The following NXPE1 variants were observed in gnomAD, a reference collection of about 807,000 sequenced individuals.
NXPE1 encodes the protein NXPE family member 1.
Under a neutral mutation model 33.3 loss-of-function variants are expected in NXPE1, and 31 were observed. The observed-to-expected ratio is 0.93, with a 90% CI of 0.70 to 1.26. The LOEUF is 1.26. NXPE1 is among the 50% of genes most tolerant of loss of function. NXPE1 has a pLI of 0.00. For synonymous variants in NXPE1, 229 were observed against 231.4 expected, an observed-to-expected ratio of 0.99 and a Z score of 0.09; for missense variants, 661 against 655.6, an observed-to-expected ratio of 1.01 and a Z score of -0.09.
chr11:114,551,454 T>A lies in NXPE1; in HGVS notation c.-69-13A>T. ...TCCTTCCAGGACCCTGAAATGGAAG[T>A]CAAAGTCACCTTATAGGTTCTCTTA... On this transcript the variant is annotated splice_polypyrimidine_tract_variant and intron_variant, in intron 3 of 8. Coordinates refer to ENST00000534921, the Ensembl canonical transcript of NXPE1. 2 of 1,233,066 alleles carry A rather than the reference T, an allele frequency of 1.6e-6. No homozygotes were observed. The highest frequency in any genetic ancestry group is 2.8e-5 in the South Asian group (1 of 35,824). The allele number at this position is 1,233,066 out of a possible 1,614,324, so 76.4% of individuals were successfully genotyped here. A position where few individuals can be genotyped will look rare whatever the true frequency, so the allele number is the denominator to read the frequency against.
At chr11:114,557,634 C>T (rs1385444239) in intron 1 of NXPE1, among the ~76,000 whole-genome samples, 29 of 128,450 alleles carry the variant, frequency 2.3e-4, no homozygotes, top group Admixed American at 3.3e-4. Context: ...ATATATAATA[C>T]ATATATATAT....
chr11:114,556,752 C>A (rs1485471604), intron 1 of NXPE1, among the ~76,000 whole-genome samples: 1 of 151,964 alleles, frequency 6.6e-6, no homozygotes, highest in Non-Finnish European at 1.5e-5. Flanking sequence ...CTCATCTAAG[C>A]CACTCTGACA....
intron 1 of NXPE1, among the ~76,000 whole-genome samples, chr11:114,555,707 A>G (rs1370657450): frequency 1.3e-5 from 2 of 152,176 alleles, no homozygotes; most frequent in African/African-American, 4.8e-5. Context: ...GCCCCGGATA[A>G]TCACAGATTT....
At chr11:114,543,193 T>TA (rs1948161877) in intron 5 of NXPE1, among the ~76,000 whole-genome samples, 1 of 152,004 alleles carries the variant, frequency 6.6e-6, no homozygotes, top group African/African-American at 2.4e-5. Context: ...CTGTGTTTAC[T>TA]AAAAATACAA....
chr11:114,559,584 G>T (rs1948730740), intron 1 of NXPE1, among the ~76,000 whole-genome samples: 1 of 151,830 alleles, frequency 6.6e-6, no homozygotes, highest in Non-Finnish European at 1.5e-5. Context: ...GCCTATCCTT[G>T]TCAGTAAGAG....
At chr11:114,543,940 T>C (rs1390687020) in intron 5 of NXPE1, among the ~76,000 whole-genome samples, 1 of 152,118 alleles carries the variant, frequency 6.6e-6, no homozygotes, top group African/African-American at 2.4e-5. Flanking sequence ...ATACTAGCAA[T>C]GAACAATTGG....
chr11:114,543,733 G>C (rs901355306), intron 5 of NXPE1, among the ~76,000 whole-genome samples: 1 of 151,862 alleles, frequency 6.6e-6, no homozygotes, highest in African/African-American at 2.4e-5. Context: ...GTCCTAACTA[G>C]TACAATAAAA....
chr11:114,520,319 T>G (rs528048409), downstream of NXPE1, among the ~76,000 whole-genome samples: 5 of 152,328 alleles, frequency 3.3e-5, no homozygotes, highest in Admixed American at 1.3e-4. Context: ...GTGTAGTTTT[T>G]AAGTTCCATA....
At chr11:114,554,292 G>A (rs936105903) in intron 1 of NXPE1, 1 of 975,792 alleles carries the variant, frequency 1.0e-6, no homozygotes, top group Non-Finnish European at 1.2e-6. Flanking sequence ...TGATATGTAA[G>A]CAGAGGCCAT....
At chr11:114,559,400 G>A (rs1948726771) in intron 1 of NXPE1, among the ~76,000 whole-genome samples, 1 of 152,164 alleles carries the variant, frequency 6.6e-6, no homozygotes, top group African/African-American at 2.4e-5. Context: ...CATAAAACAA[G>A]GCAAAGAAAT....
chr11:114,547,303 C>T (rs536317511), intron 5 of NXPE1, among the ~76,000 whole-genome samples: 27 of 152,258 alleles, frequency 1.8e-4, no homozygotes, highest in Admixed American at 1.3e-3. Context: ...CTTCCCTAAA[C>T]CCATGAATTC....
At chr11:114,557,651 A>G (rs779662093) in intron 1 of NXPE1, among the ~76,000 whole-genome samples, 1,754 of 53,346 alleles carry the variant, frequency 0.033, 21 homozygotes, top group Middle Eastern at 0.063. Flanking sequence ...ATATATATAT[A>G]TATATATATA....
chr11:114,556,823 G>A (rs1422900765), intron 1 of NXPE1, among the ~76,000 whole-genome samples: 1 of 150,832 alleles, frequency 6.6e-6, no homozygotes, highest in Non-Finnish European at 1.5e-5. Context: ...ATATATCTAT[G>A]TAATTTTATC....
intron 7 of NXPE1, among the ~76,000 whole-genome samples, chr11:114,525,855 G>A (rs1275101962): frequency 6.6e-6 from 1 of 152,204 alleles, no homozygotes; most frequent in African/African-American, 2.4e-5. Flanking sequence ...CTCAGCCTTT[G>A]GAAGTTAATC....
chr11:114,525,306 G>T (rs1947335704), intron 7 of NXPE1, among the ~76,000 whole-genome samples: 1 of 151,870 alleles, frequency 6.6e-6, no homozygotes, highest in Non-Finnish European at 1.5e-5. Flanking sequence ...ATTAGATAGG[G>T]AGACTAATAG....
downstream of NXPE1, among the ~76,000 whole-genome samples, chr11:114,520,171 TTAACTATAGTTCTCATGCTG>T (rs1382279440): frequency 6.6e-6 from 1 of 152,160 alleles, no homozygotes; most frequent in African/African-American, 2.4e-5. Flanking sequence ...ATATACAATA[TTAACTATAGTTCTCATGCTG>T]TACATTAGCT....
chr11:114,527,707 C>A, intron 7 of NXPE1, 133 bp downstream of exon 7: 1 of 563,992 alleles, frequency 1.8e-6, no homozygotes. Context: ...TCATTTCTCC[C>A]TTTAAAGTCC....
chr11:114,528,319 G>A (rs2134943550), intron 6 of NXPE1, among the ~76,000 whole-genome samples: 1 of 152,272 alleles, frequency 6.6e-6, no homozygotes, highest in East Asian at 1.9e-4. Flanking sequence ...GACTGCCAGA[G>A]CACCCTTTCT....
intron 1 of NXPE1, among the ~76,000 whole-genome samples, chr11:114,557,616 A>G (rs1465921924): frequency 1.4e-5 from 2 of 141,576 alleles, no homozygotes; most frequent in African/African-American, 5.1e-5. Context: ...AAAACACCAC[A>G]ATATATTATA....
Sources: allele counts gnomAD v4.1 joint callset (sites outside exome capture counted in the v4.1 genomes callset), GRCh38; gene constraint gnomAD v4.1.1; transcripts MANE v1.5; gene names NCBI Gene and HGNC (gene_info 2026-07-23, HGNC 2026-07-21).